ZZZ3: variants seen among roughly 807,000 people sequenced by gnomAD.
ZZZ3 encodes ZZ-type zinc finger-containing protein 3.
A neutral mutation model predicts 95.2 loss-of-function variants in ZZZ3; 22 were observed. The observed-to-expected ratio is 0.23, with a 90% CI of 0.17 to 0.33. The LOEUF (loss-of-function observed/expected upper bound fraction) is 0.33, where lower values mean the gene tolerates loss of function less well. Ranked by LOEUF, ZZZ3 falls within the 10% of genes least tolerant of loss-of-function variation. ZZZ3 has a pLI of 1.00. For synonymous variants in ZZZ3, 335 were observed against 358.9 expected, an observed-to-expected ratio of 0.93 and a Z score of 0.75; for missense variants, 885 against 1,066.5, an observed-to-expected ratio of 0.83 and a Z score of 2.37.
chr1:77,679,704 T>C (rs1233364182), intron 1 of ZZZ3, among the ~76,000 whole-genome samples: 2 of 152,220 alleles, frequency 1.3e-5, no homozygotes, highest in Non-Finnish European at 2.9e-5. Flanking sequence ...TTTCCTCTGA[T>C]CACTGAAGTT....
chr1:77,579,756 T>C, intron 9 of ZZZ3, 128 bp from the exon 10 acceptor site: 1 of 536,756 alleles, frequency 1.9e-6, no homozygotes, highest in South Asian at 2.9e-5. Flanking sequence ...GGTTACGTAA[T>C]TAGAAATCCT....
At chr1:77,624,652 G>A (rs918966278) in intron 5 of ZZZ3, among the ~76,000 whole-genome samples, 3 of 152,056 alleles carry the variant, frequency 2.0e-5, no homozygotes, top group African/African-American at 4.8e-5. Context: ...TGGATCCTTC[G>A]AAATATCCTT....
intron 5 of ZZZ3, among the ~76,000 whole-genome samples, chr1:77,601,818 CAAG>C (rs1369014728): frequency 1.3e-5 from 2 of 152,112 alleles, no homozygotes; most frequent in Non-Finnish European, 1.5e-5. Context: ...AACCAAACTT[CAAG>C]AAGGTTAACT....
intron 6 of ZZZ3, among the ~76,000 whole-genome samples, chr1:77,583,499 G>C (rs1202093884): frequency 6.6e-6 from 1 of 151,918 alleles, no homozygotes; most frequent in Non-Finnish European, 1.5e-5. Context: ...CAACATATAG[G>C]CTCTATATCT....
chr1:77,654,550 T>A (rs1291116968), intron 1 of ZZZ3, among the ~76,000 whole-genome samples: 1 of 152,200 alleles, frequency 6.6e-6, no homozygotes, highest in Non-Finnish European at 1.5e-5. Context: ...ATCCCCAAAA[T>A]GTAAGACTGG....
intron 5 of ZZZ3, among the ~76,000 whole-genome samples, chr1:77,608,601 C>T (rs774482398): frequency 2.0e-4 from 30 of 152,090 alleles, no homozygotes; most frequent in Middle Eastern, 3.2e-3. Flanking sequence ...CAGGAAAACA[C>T]AGAATAATAT....
chr1:77,586,336 C>T (rs368661065), intron 5 of ZZZ3, among the ~76,000 whole-genome samples: 1 of 152,146 alleles, frequency 6.6e-6, no homozygotes, highest in Admixed American at 6.5e-5. Context: ...TTACACACTT[C>T]GGTATCACTT....
At chr1:77,568,566 ATTTTT>A in intron 12 of ZZZ3, 100 bp from the exon 13 acceptor site, 1 of 653,354 alleles carries the variant, frequency 1.5e-6, no homozygotes, top group Non-Finnish European at 2.4e-6. Context: ...GATATTTTTC[ATTTTT>A]AAAATATCTC....
chr1:77,638,823 C>A (rs922845547), intron 4 of ZZZ3, among the ~76,000 whole-genome samples: 1 of 152,062 alleles, frequency 6.6e-6, no homozygotes, highest in East Asian at 1.9e-4. Context: ...TATTTAATAA[C>A]GTTGAGGCCA....
chr1:77,622,397 A>T (rs1666965192), intron 5 of ZZZ3, among the ~76,000 whole-genome samples: 1 of 151,578 alleles, frequency 6.6e-6, no homozygotes, highest in South Asian at 2.1e-4. Flanking sequence ...AACCTGAATC[A>T]AATTTTTCCA....
At chr1:77,680,541 C>A (rs1305821225) in intron 1 of ZZZ3, among the ~76,000 whole-genome samples, 4 of 152,184 alleles carry the variant, frequency 2.6e-5, no homozygotes, top group South Asian at 2.1e-4. Context: ...GTGGACAATT[C>A]TCTTATGTGA....
At chr1:77,590,713 C>T (rs1663604186) in intron 5 of ZZZ3, among the ~76,000 whole-genome samples, 1 of 152,194 alleles carries the variant, frequency 6.6e-6, no homozygotes, top group Non-Finnish European at 1.5e-5. Flanking sequence ...ATAGATTGTG[C>T]AGTATATAAT....
intron 4 of ZZZ3, among the ~76,000 whole-genome samples, chr1:77,636,034 A>G (rs1485300488): frequency 6.6e-6 from 1 of 152,218 alleles, no homozygotes; most frequent in Non-Finnish European, 1.5e-5. Flanking sequence ...ATGTATGTAA[A>G]TGCACAAAAA....
Position 77,634,671 on chromosome 1 carries a change from G to A in ZZZ3, c.-51-1266C>T, listed in dbSNP as rs1668136324. 3.9e-5 allele frequency among the ~76,000 whole-genome samples: 6 copies of A among 152,302 alleles called. No individual in the cohort carries two copies. In the South Asian group the frequency reaches 1.2e-3, roughly 32 times the overall value. On this transcript the variant is annotated intron_variant, in intron 4 of 14. Coordinates refer to ENST00000370801, the MANE Select transcript of ZZZ3 (RefSeq NM_015534.6). ...GTGCCAGTTTTAATGTGTGGTTTGG[G>A]AGATGAGCAGGTATTCTGGTGTGGA...
At chr1:77,586,875 C>T (rs1461141237) in intron 5 of ZZZ3, among the ~76,000 whole-genome samples, 1 of 152,170 alleles carries the variant, frequency 6.6e-6, no homozygotes, top group Non-Finnish European at 1.5e-5. Context: ...ACTGGGGTGA[C>T]ATCTAAAAAA....
intron 1 of ZZZ3, among the ~76,000 whole-genome samples, chr1:77,650,403 G>A (rs1669693288): frequency 6.6e-6 from 1 of 152,100 alleles, no homozygotes; most frequent in Non-Finnish European, 1.5e-5. Flanking sequence ...AAAGATTCAA[G>A]TCATTTAAAC....
At chr1:77,638,256 T>C (rs1181303813) in intron 4 of ZZZ3, among the ~76,000 whole-genome samples, 1 of 152,176 alleles carries the variant, frequency 6.6e-6, no homozygotes, top group Non-Finnish European at 1.5e-5. Context: ...CAATCCTACC[T>C]ATAATTTCAC....
At chr1:77,595,825 T>G (rs1664165765) in intron 5 of ZZZ3, among the ~76,000 whole-genome samples, 1 of 151,954 alleles carries the variant, frequency 6.6e-6, no homozygotes, top group Non-Finnish European at 1.5e-5. Flanking sequence ...AGCATCCTAT[T>G]TAGCACCGAA....
chr1:77,644,941 G>A (rs1173528924), intron 1 of ZZZ3, among the ~76,000 whole-genome samples: 1 of 152,138 alleles, frequency 6.6e-6, no homozygotes, highest in Non-Finnish European at 1.5e-5. Flanking sequence ...TTAGTGTTCG[G>A]GCTGGGCACA....
Sources: allele counts gnomAD v4.1 joint callset (sites outside exome capture counted in the v4.1 genomes callset), GRCh38; gene constraint gnomAD v4.1.1; transcripts MANE v1.5; gene names NCBI Gene and HGNC (gene_info 2026-07-23, HGNC 2026-07-21).